The following CLASP1 variants were observed in gnomAD, a reference collection of about 807,000 sequenced individuals.
CLASP1 encodes the protein CLIP-associating protein 1.
In CLASP1, 38 loss-of-function variants were observed where a neutral mutation model predicts 192.3. The ratio of observed to expected loss-of-function variants is 0.20; its 90% confidence interval spans 0.15 to 0.26. The LOEUF (loss-of-function observed/expected upper bound fraction) is 0.26, where lower values mean the gene tolerates loss of function less well. Ranked by LOEUF, CLASP1 falls within the 10% of genes least tolerant of loss-of-function variation. The pLI, the probability that CLASP1 is intolerant of heterozygous loss-of-function variation, is 1.00. For synonymous variants in CLASP1, 691 were observed against 712.8 expected (o/e 0.97, Z 0.49); for missense variants, 1,433 against 1,932.5 (o/e 0.74, Z 4.85).
intron 39 of CLASP1, among the ~76,000 whole-genome samples, chr2:121,344,857 T>C (rs185707081): frequency 6.6e-6 from 1 of 152,016 alleles, no homozygotes; most frequent in Non-Finnish European, 1.5e-5. Flanking sequence ...ACCAGAGCTA[T>C]TACATGAAAA....
At chr2:121,400,157 C>A (rs866654740) in intron 28 of CLASP1, among the ~76,000 whole-genome samples, 1 of 152,118 alleles carries the variant, frequency 6.6e-6, no homozygotes, top group Non-Finnish European at 1.5e-5. Context: ...AAAGGAATGA[C>A]GAAGTTTGAA....
chr2:121,340,862 T>C (rs1272606602), exon 40 of CLASP1: 1 of 1,610,120 alleles, frequency 6.2e-7, no homozygotes, highest in Non-Finnish European at 8.5e-7. Context: ...GTACTGCCAT[T>C]AGCTGTGCGT....
At chr2:121,478,821 AAC>A (rs1559367706) in intron 8 of CLASP1, among the ~76,000 whole-genome samples, 1 of 4,622 alleles carries the variant, frequency 2.2e-4, no homozygotes, top group Non-Finnish European at 6.3e-4. Flanking sequence ...CCCCACACAC[AAC>A]CACACACCAC....
chr2:121,432,542 T>C (rs886754264), intron 19 of CLASP1, among the ~76,000 whole-genome samples: 1 of 152,244 alleles, frequency 6.6e-6, no homozygotes, highest in Non-Finnish European at 1.5e-5. Flanking sequence ...TGTTGAAATG[T>C]TGACTGGCAT....
At chr2:121,600,480 A>G (rs576155216) in intron 2 of CLASP1, among the ~76,000 whole-genome samples, 3 of 152,210 alleles carry the variant, frequency 2.0e-5, no homozygotes, top group Non-Finnish European at 4.4e-5. Context: ...TTGTTTAGGA[A>G]TTACTTCACC....
chr2:121,401,403 G>C, intron 28 of CLASP1, 106 bp downstream of exon 29: 2 of 792,630 alleles, frequency 2.5e-6, no homozygotes, highest in East Asian at 4.9e-5. Flanking sequence ...GAGTAAAAGA[G>C]ATATTCAAGG....
intron 39 of CLASP1, among the ~76,000 whole-genome samples, chr2:121,344,127 G>C (rs531830850): frequency 1.3e-5 from 2 of 151,938 alleles, no homozygotes; most frequent in Non-Finnish European, 2.9e-5. Context: ...AGACTGGAGG[G>C]GGGGAAAAAG....
chr2:121,634,228 C>T (rs1460670682), intron 1 of CLASP1, among the ~76,000 whole-genome samples: 1 of 152,198 alleles, frequency 6.6e-6, no homozygotes, highest in African/African-American at 2.4e-5. Context: ...GGCAACAAGG[C>T]TTGAGAGCCT....
At chr2:121,447,163 C>T (rs2084509784) in intron 19 of CLASP1, among the ~76,000 whole-genome samples, 174 bp downstream of exon 19, 1 of 152,212 alleles carries the variant, frequency 6.6e-6, no homozygotes, top group Non-Finnish European at 1.5e-5. Context: ...GAAAGGGACA[C>T]TCAACAAGGG....
intron 30 of CLASP1, among the ~76,000 whole-genome samples, chr2:121,394,670 A>G (rs1472039877): frequency 6.6e-6 from 1 of 152,212 alleles, no homozygotes; most frequent in East Asian, 1.9e-4. Flanking sequence ...TCACGAGGTC[A>G]GGAGTTCGAG....
At chr2:121,384,169 TACACACACAC>T (rs35612382) in intron 32 of CLASP1, among the ~76,000 whole-genome samples, 8 of 142,464 alleles carry the variant, frequency 5.6e-5, no homozygotes, top group African/African-American at 1.6e-4. Context: ...TATATATATA[TACACACACAC>T]ACACACACAC....
chr2:121,589,910 C>T (rs959965895), intron 2 of CLASP1, among the ~76,000 whole-genome samples: 2 of 151,970 alleles, frequency 1.3e-5, no homozygotes, highest in South Asian at 2.1e-4. Context: ...ATGTGAACAT[C>T]GTTGAGGTAT....
intron 23 of CLASP1, 129 bp from the exon 25 acceptor site, chr2:121,411,098 A>C (rs544078996): frequency 1.6e-6 from 1 of 606,132 alleles, no homozygotes; most frequent in African/African-American, 1.9e-5. Context: ...TTTTAACTAC[A>C]CTTGACTTGT....
At chr2:121,461,237 A>C in intron 10 of CLASP1, 44 bp from the exon 11 acceptor site, 2 of 1,059,540 alleles carry the variant, frequency 1.9e-6, no homozygotes, top group Non-Finnish European at 2.8e-6. Context: ...AACATGCAGA[A>C]TAAACAGATT....
intron 38 of CLASP1, among the ~76,000 whole-genome samples, chr2:121,347,407 A>C (rs10221741): frequency 0.21 from 32,152 of 152,092 alleles, 6,505 homozygotes; most frequent in African/African-American, 0.53. Flanking sequence ...CTGGTCTCTG[A>C]GTCTGCACAG....
At chr2:121,501,571 A>G (rs17006561) in intron 8 of CLASP1, among the ~76,000 whole-genome samples, 19,557 of 152,240 alleles carry the variant, frequency 0.13, 1,718 homozygotes, top group African/African-American at 0.24. Context: ...CTGAATTATG[A>G]TATCAATTTT....
At chr2:121,617,596 T>A (rs1382535076) in intron 1 of CLASP1, among the ~76,000 whole-genome samples, 1 of 152,220 alleles carries the variant, frequency 6.6e-6, no homozygotes, top group Non-Finnish European at 1.5e-5. Context: ...GACTTTTCTG[T>A]ACTTAACAAA....
chr2:121,358,815 T>G (rs2149208151), intron 37 of CLASP1, among the ~76,000 whole-genome samples: 1 of 152,374 alleles, frequency 6.6e-6, no homozygotes, highest in South Asian at 2.1e-4. Context: ...CCAAACCACT[T>G]GAAGCTGGAT....
intron 8 of CLASP1, among the ~76,000 whole-genome samples, chr2:121,484,404 T>A (rs2092829474): frequency 6.6e-6 from 1 of 152,186 alleles, no homozygotes; most frequent in South Asian, 2.1e-4. Context: ...AACCATTGTG[T>A]GAGAAATTTC....
Sources: gnomAD v4.1 joint callset for allele counts (sites outside exome capture counted in the v4.1 genomes callset) on GRCh38, gnomAD v4.1.1 for gene constraint, MANE v1.5 for transcripts, NCBI Gene and HGNC (gene_info 2026-07-23, HGNC 2026-07-21) for gene names.